DPH6: variants seen among roughly 807,000 people sequenced by gnomAD.
The protein encoded by DPH6 is diphthine--ammonia ligase.
In DPH6, 33 loss-of-function variants were observed where a neutral mutation model predicts 38.2. The ratio of observed to expected loss-of-function variants is 0.86; its 90% CI spans 0.65 to 1.15. DPH6 has a LOEUF of 1.15. DPH6 is among the 50% of genes most tolerant of loss of function. The pLI, the probability that DPH6 is intolerant of heterozygous loss-of-function variation, is 0.00. For synonymous variants in DPH6, 108 were observed against 103.0 expected, an observed-to-expected ratio of 1.05 and a Z score of -0.30; for missense variants, 325 against 320.0, an observed-to-expected ratio of 1.02 and a Z score of -0.12.
chr15:35,189,366 C>T, the DPH6 span, among the ~76,000 whole-genome samples: 1 of 152,206 alleles, frequency 6.6e-6, no homozygotes, highest in Non-Finnish European at 1.5e-5. Context: ...TACATGCTTT[C>T]TGCCTTGCCT....
At chr15:35,404,412 G>A (rs2053263034) in intron 6 of DPH6, among the ~76,000 whole-genome samples, 1 of 152,064 alleles carries the variant, frequency 6.6e-6, no homozygotes, top group South Asian at 2.1e-4. Flanking sequence ...TTGGATAAAA[G>A]CCATTTTAAC....
At chr15:35,250,959 T>C (rs543117946) in intron 3 of DPH6, among the ~76,000 whole-genome samples, 17 of 152,264 alleles carry the variant, frequency 1.1e-4, no homozygotes, top group African/African-American at 3.4e-4. Context: ...GTGTTACCAA[T>C]AGTTTTCATA....
chr15:35,386,233 A>T (rs1017743846), intron 6 of DPH6, among the ~76,000 whole-genome samples: 13 of 152,130 alleles, frequency 8.5e-5, no homozygotes, highest in Non-Finnish European at 1.8e-4. Context: ...ACATTTTCTT[A>T]ATCCAGTCTA....
intron 6 of DPH6, among the ~76,000 whole-genome samples, chr15:35,399,887 A>G (rs1252684040): frequency 1.3e-5 from 2 of 152,244 alleles, no homozygotes; most frequent in Admixed American, 1.3e-4. Context: ...AATCTCTTGG[A>G]GAATGTGCTT....
downstream of DPH6, among the ~76,000 whole-genome samples, chr15:35,368,961 C>T (rs1595504624): frequency 6.6e-6 from 1 of 151,226 alleles, no homozygotes; most frequent in Admixed American, 6.6e-5. Context: ...TACATAATTC[C>T]AGAAAAAGAA....
At chr15:35,221,154 C>T (rs1012021909) in intron 3 of DPH6, among the ~76,000 whole-genome samples, 9 of 152,210 alleles carry the variant, frequency 5.9e-5, no homozygotes, top group Non-Finnish European at 1.2e-4. Flanking sequence ...CCATGTCCTG[C>T]CTCCTGAACA....
intron 3 of DPH6, among the ~76,000 whole-genome samples, chr15:35,350,445 AACATTTG>A (rs1267250473): frequency 1.3e-5 from 2 of 151,446 alleles, no homozygotes; most frequent in African/African-American, 4.9e-5. Context: ...TTTCTGCTCT[AACATTTG>A]TTAGTTTCTT....
the DPH6 span, among the ~76,000 whole-genome samples, chr15:35,185,899 ATTT>A: frequency 6.6e-6 from 1 of 150,830 alleles, no homozygotes; most frequent in African/African-American, 2.4e-5. Flanking sequence ...CGCCCGGCTA[ATTT>A]TTTTTGTGTT....
intron 3 of DPH6, among the ~76,000 whole-genome samples, chr15:35,479,207 C>T (rs2141144654): frequency 6.6e-6 from 1 of 152,048 alleles, no homozygotes; most frequent in South Asian, 2.1e-4. Context: ...ACCTGTGTGA[C>T]CAGAGGAAAA....
intron 3 of DPH6, among the ~76,000 whole-genome samples, chr15:35,535,235 G>C (rs2055151834): frequency 6.6e-6 from 1 of 152,028 alleles, no homozygotes; most frequent in South Asian, 2.1e-4. Flanking sequence ...ACCTAAAAAG[G>C]AACAACAATC....
rs139932551 is a variant in DPH6, at chr15:35,322,328, G to T, written n.200+51193C>A. On this transcript the variant is annotated intron_variant and non_coding_transcript_variant, in intron 3 of 3. Transcript: ENST00000560386. ...GGTTTTTGGACTCTAAGCAAGGGGA[G>T]GGTTAGATTAGGGAGGGACTATTGT... Among the ~76,000 whole-genome samples the T allele has an allele frequency of 6.7e-4, 102 of 152,242 alleles. 1 individual carries two copies. Among genetic ancestry groups the T allele is most frequent in the African/African-American group, 2.2e-3 (93 of 41,546 alleles).
the DPH6 span, among the ~76,000 whole-genome samples, chr15:35,168,264 T>C: frequency 1.3e-5 from 2 of 152,160 alleles, no homozygotes; most frequent in East Asian, 3.9e-4. Context: ...ACCTGGAACA[T>C]AGAAACTGGC....
At chr15:35,404,527 T>A (rs1482294061) in intron 6 of DPH6, among the ~76,000 whole-genome samples, 1 of 152,178 alleles carries the variant, frequency 6.6e-6, no homozygotes, top group Non-Finnish European at 1.5e-5. Flanking sequence ...TGTCTTCTTT[T>A]GAGAACTGTC....
At chr15:35,498,941 CTT>C (rs2054590866) in intron 3 of DPH6, among the ~76,000 whole-genome samples, 1 of 98,884 alleles carries the variant, frequency 1.0e-5, no homozygotes, top group Non-Finnish European at 1.8e-5. Flanking sequence ...GGCCTCATCT[CTT>C]AAAAAAAAAA....
At chr15:35,338,667 C>T (rs1364515388) in intron 3 of DPH6, among the ~76,000 whole-genome samples, 2 of 152,164 alleles carry the variant, frequency 1.3e-5, no homozygotes, top group African/African-American at 2.4e-5. Flanking sequence ...TTTGACCCAG[C>T]CATCCCATTA....
At chr15:35,454,620 C>A in intron 4 of DPH6, 127 bp downstream of exon 4, 1 of 714,452 alleles carries the variant, frequency 1.4e-6, no homozygotes, top group Non-Finnish European at 2.3e-6. Flanking sequence ...TAAATACACA[C>A]ATTTAGTTCC....
chr15:35,174,714 T>C, the DPH6 span, among the ~76,000 whole-genome samples: 1 of 152,184 alleles, frequency 6.6e-6, no homozygotes, highest in Non-Finnish European at 1.5e-5. Context: ...AGTTCCTTTT[T>C]CTCTAGGGAG....
chr15:35,316,007 G>C (rs2052185425), intron 3 of DPH6, among the ~76,000 whole-genome samples: 2 of 152,100 alleles, frequency 1.3e-5, no homozygotes, highest in African/African-American at 4.8e-5. Flanking sequence ...AGAAGATATA[G>C]AGTAGATTGG....
intron 3 of DPH6, among the ~76,000 whole-genome samples, chr15:35,249,892 G>A (rs1405996960): frequency 5.9e-5 from 9 of 152,094 alleles, no homozygotes; most frequent in African/African-American, 1.4e-4. Flanking sequence ...GGCCGGGCGC[G>A]GTGGCTCACG....
Sources: gnomAD v4.1 joint callset for allele counts (sites outside exome capture counted in the v4.1 genomes callset) on GRCh38, gnomAD v4.1.1 for gene constraint, MANE v1.5 for transcripts, NCBI Gene and HGNC (gene_info 2026-07-23, HGNC 2026-07-21) for gene names.